Variants in NREP observed in about 807,000 individuals in gnomAD.
NREP encodes the protein neuronal regeneration related protein.
A neutral mutation model predicts 8.6 loss-of-function variants in NREP; 5 were observed. The observed-to-expected ratio is 0.58, with a 90% CI of 0.30 to 1.22. The LOEUF (loss-of-function observed/expected upper bound fraction) is 1.22, where lower values mean the gene tolerates loss of function less well. Ranked by LOEUF, NREP falls within the 50% of genes most tolerant of loss-of-function variation. NREP has a pLI of 0.07. For missense variants in NREP, 86 were observed against 82.5 expected (o/e 1.04, Z -0.17); for synonymous variants, 27 against 28.0 (o/e 0.96, Z 0.11).
chr5:111,817,131 AGAATCTAGCCAT>A (rs1752401630), intron 2 of NREP, among the ~76,000 whole-genome samples: 1 of 152,198 alleles, frequency 6.6e-6, no homozygotes, highest in Non-Finnish European at 1.5e-5. Context: ...ATATTGACCT[AGAATCTAGCCAT>A]CTTGCTAAAT....
chr5:111,818,858 C>T (rs763533642), intron 2 of NREP, among the ~76,000 whole-genome samples: 14 of 152,094 alleles, frequency 9.2e-5, no homozygotes, highest in Non-Finnish European at 2.1e-4. Flanking sequence ...TAAATCTCAA[C>T]AGTATAGTGT....
At chr5:111,976,204 G>C (rs1756959303) in intron 1 of NREP, among the ~76,000 whole-genome samples, 1 of 152,116 alleles carries the variant, frequency 6.6e-6, no homozygotes, top group African/African-American at 2.4e-5. Flanking sequence ...GACTTAAATA[G>C]GAGCTCTGCA....
intron 2 of NREP, among the ~76,000 whole-genome samples, chr5:111,838,051 T>C (rs564188225): frequency 1.5e-4 from 23 of 152,042 alleles, no homozygotes; most frequent in Middle Eastern, 3.2e-3. Context: ...CCAAAAGAAA[T>C]ATGTGTGCCA....
At chr5:111,761,904 T>C (rs1156392296), upstream of NREP, among the ~76,000 whole-genome samples, 1 of 152,148 alleles carries the variant, frequency 6.6e-6, no homozygotes, top group African/African-American at 2.4e-5. Flanking sequence ...CTTAAAGTAA[T>C]GCAAAACTGT....
intron 2 of NREP, among the ~76,000 whole-genome samples, chr5:111,949,950 T>C (rs1436004696): frequency 6.6e-6 from 1 of 152,104 alleles, no homozygotes; most frequent in African/African-American, 2.4e-5. Flanking sequence ...TACCCAGTAA[T>C]GGGACTGCTG....
intron 2 of NREP, among the ~76,000 whole-genome samples, chr5:111,939,490 A>C (rs1755771713): frequency 6.6e-6 from 1 of 151,962 alleles, no homozygotes; most frequent in Admixed American, 6.6e-5. Context: ...TACTCACTTA[A>C]ATTTATTTGT....
chr5:111,773,143 A>T lies in NREP; in HGVS notation c.136-37636T>A, dbSNP rs183418150. On this transcript the variant is annotated intron_variant, in intron 2 of 3. Coordinates refer to the NREP transcript ENST00000395634. ...TTCAATTCTCTGAGCCTTTTTTTTT[A>T]AATTTTTTTTTAAACTACTGTCTTT... Among the ~76,000 whole-genome samples the T allele has an allele frequency of 4.2e-3, 638 of 151,958 alleles. 4 individuals are homozygous for T. Among genetic ancestry groups the T allele is most frequent in the Non-Finnish European group, 4.7e-3 (322 of 67,936 alleles).
At chr5:111,956,785 G>A (rs541212682) in intron 2 of NREP, among the ~76,000 whole-genome samples, 10 of 151,908 alleles carry the variant, frequency 6.6e-5, no homozygotes, top group African/African-American at 2.2e-4. Flanking sequence ...CCAATGTGGC[G>A]AAAACCCATC....
At chr5:111,783,246 A>G (rs1298410444) in intron 2 of NREP, among the ~76,000 whole-genome samples, 1 of 152,204 alleles carries the variant, frequency 6.6e-6, no homozygotes, top group Non-Finnish European at 1.5e-5. Context: ...GGGATCATGT[A>G]CTAACTCCCT....
chr5:111,795,788 C>T (rs541427933), intron 2 of NREP, among the ~76,000 whole-genome samples: 33 of 152,226 alleles, frequency 2.2e-4, no homozygotes, highest in African/African-American at 7.2e-4. Context: ...ATATAGCCTA[C>T]ATTTTAAAAT....
intron 2 of NREP, among the ~76,000 whole-genome samples, chr5:111,940,561 C>G (rs1209619185): frequency 1.3e-5 from 2 of 152,048 alleles, no homozygotes; most frequent in Non-Finnish European, 2.9e-5. Flanking sequence ...AGTAGGCATG[C>G]CTTTCTCTAC....
chr5:111,765,215 A>C (rs898581361), intron 2 of NREP, among the ~76,000 whole-genome samples: 3 of 152,200 alleles, frequency 2.0e-5, no homozygotes, highest in African/African-American at 7.2e-5. Context: ...TCATTTGTGC[A>C]GTTCACAGTA....
intron 2 of NREP, among the ~76,000 whole-genome samples, chr5:111,844,809 A>G (rs1450816367): frequency 6.6e-6 from 1 of 150,694 alleles, no homozygotes; most frequent in Non-Finnish European, 1.5e-5. Context: ...TACCCCAATA[A>G]TTCCTAACAA....
chr5:111,736,289 G>A (rs1288797266), intron 2 of NREP, among the ~76,000 whole-genome samples: 1 of 152,122 alleles, frequency 6.6e-6, no homozygotes, highest in Non-Finnish European at 1.5e-5. Flanking sequence ...ATTACTAAAA[G>A]AAATTAGAGA....
chr5:111,810,655 C>G (rs1285673525), intron 2 of NREP, among the ~76,000 whole-genome samples: 1 of 152,116 alleles, frequency 6.6e-6, no homozygotes, highest in Non-Finnish European at 1.5e-5. Context: ...CCTATAGAAC[C>G]ACAATACAGC....
intron 2 of NREP, among the ~76,000 whole-genome samples, chr5:111,788,022 G>T (rs543539414): frequency 2.0e-5 from 3 of 152,124 alleles, no homozygotes; most frequent in East Asian, 1.9e-4. Context: ...GAGCCCAGGA[G>T]GGGGAGTCTG....
intron 2 of NREP, among the ~76,000 whole-genome samples, chr5:111,857,196 C>G (rs1753445098): frequency 6.6e-6 from 1 of 152,180 alleles, no homozygotes; most frequent in Non-Finnish European, 1.5e-5. Flanking sequence ...GCGTGGGAGT[C>G]TTGTCCTAGT....
chr5:111,758,474 A>C (rs1407277631), upstream of NREP, among the ~76,000 whole-genome samples: 2 of 152,214 alleles, frequency 1.3e-5, no homozygotes, highest in African/African-American at 2.4e-5. Context: ...ATAGCTCAAA[A>C]TTTTGCAACA....
chr5:111,751,691 A>T (rs529456489), intron 2 of NREP, among the ~76,000 whole-genome samples: 1 of 152,262 alleles, frequency 6.6e-6, no homozygotes, highest in African/African-American at 2.4e-5. Context: ...CCTTATCCCT[A>T]GTTTTTTCTT....
Sources: gnomAD v4.1 joint callset for allele counts (sites outside exome capture counted in the v4.1 genomes callset) on GRCh38, gnomAD v4.1.1 for gene constraint, MANE v1.5 for transcripts, NCBI Gene and HGNC (gene_info 2026-07-23, HGNC 2026-07-21) for gene names.